C2CD3: variants seen among roughly 807,000 people sequenced by gnomAD.
The protein encoded by C2CD3 is C2 domain-containing protein 3.
Under a neutral mutation model 234.0 loss-of-function variants are expected in C2CD3, and 148 were observed. The ratio of observed to expected loss-of-function variants is 0.63; its 90% CI spans 0.55 to 0.72. The LOEUF is 0.72. Among genes scored for constraint, C2CD3 ranks in the 30% least tolerant of loss-of-function variants. The pLI, the probability that C2CD3 is intolerant of heterozygous loss-of-function variation, is 0.00. For synonymous variants in C2CD3, 1,000 were observed against 1,035.4 expected (o/e 0.97, Z 0.66); for missense variants, 2,577 against 2,811.5 (o/e 0.92, Z 1.89).
chr11:74,144,968 A>G (rs1198645072), intron 3 of C2CD3, among the ~76,000 whole-genome samples: 1 of 152,198 alleles, frequency 6.6e-6, no homozygotes, highest in Non-Finnish European at 1.5e-5. Context: ...TATGTACCCT[A>G]AAAGTATAAT....
chr11:74,146,381 C>G (rs961096131), intron 3 of C2CD3, among the ~76,000 whole-genome samples: 2 of 152,100 alleles, frequency 1.3e-5, no homozygotes, highest in Non-Finnish European at 2.9e-5. Flanking sequence ...TGGCATTCTT[C>G]TTTGTAGTTG....
At chr11:74,170,415 G>C (rs1370338564) in intron 1 of C2CD3, among the ~76,000 whole-genome samples, 14 of 152,134 alleles carry the variant, frequency 9.2e-5, no homozygotes, top group Non-Finnish European at 4.4e-5. Flanking sequence ...TCCTGTCCCT[G>C]TGGACCTCGA....
chr11:74,051,122 A>C (rs1201250552), intron 26 of C2CD3, among the ~76,000 whole-genome samples: 1 of 150,640 alleles, frequency 6.6e-6, no homozygotes, highest in African/African-American at 2.5e-5. Context: ...CCCCATCTCT[A>C]AAAAAAACAA....
At chr11:74,060,686 T>TG in intron 24 of C2CD3, among the ~76,000 whole-genome samples, 1 of 152,284 alleles carries the variant, frequency 6.6e-6, no homozygotes, top group East Asian at 1.9e-4. Flanking sequence ...GCAGAAAAGC[T>TG]GAAAATTCTA....
intron 7 of C2CD3, among the ~76,000 whole-genome samples, chr11:74,130,209 G>A (rs1242736598): frequency 1.3e-5 from 2 of 150,154 alleles, no homozygotes; most frequent in Non-Finnish European, 3.0e-5. Flanking sequence ...TGTACATGGT[G>A]TGAGATAAGG....
In C2CD3 at chr11:74,085,901, G is replaced by A; in HGVS notation, c.3642-15C>T. The A allele has an allele frequency of 1.9e-6, 3 of 1,594,488 alleles. No homozygotes were observed. Among genetic ancestry groups the A allele is most frequent in the Non-Finnish European group, 2.6e-6 (3 of 1,167,796 alleles). On this transcript the variant is annotated splice_polypyrimidine_tract_variant and intron_variant, in intron 20 of 32. Transcript: ENST00000334126. The stretch of plus-strand genomic sequence containing the variant: ...CAGCCAAAGCCCTGTAGAGGAGAAG[G>A]GTGGAAATGAGAAGATACCATGGTA...
chr11:74,057,369 GA>G (rs748271351), intron 25 of C2CD3, 36 bp downstream of exon 25: 1 of 1,612,288 alleles, frequency 6.2e-7, no homozygotes, highest in South Asian at 1.1e-5. Context: ...ACAAAAAGCA[GA>G]TTCTGGAAGG....
intron 29 of C2CD3, 60 bp from the exon 30 acceptor site, chr11:74,037,758 C>G: frequency 7.7e-7 from 1 of 1,294,770 alleles, no homozygotes; most frequent in Non-Finnish European, 1.1e-6. Context: ...ATGAACATCT[C>G]TTATGTCCCC....
Position 74,049,386 on chromosome 11 carries a change from A to T in C2CD3, c.5312T>A (p.Phe1771Tyr). ...AVSPLESLIH[F>Y]KEERQARRGV... is the part of the protein sequence containing the mutation. The stretch of plus-strand genomic sequence containing the variant: ...ACGCCTTGCTTGCCTTTCTTCTTTG[A>T]AGTGTATCAAACTCTCCAAAGGGGA... The change falls in exon 27 of 33, where the codon TTC becomes TAC. Residue 1771 changes from phenylalanine to tyrosine, a missense_variant. Coordinates refer to ENST00000334126, the MANE Select transcript of C2CD3 (RefSeq NM_001286577.2). 6.2e-7 allele frequency: 1 copy of T among 1,614,118 alleles called. No individual in the cohort carries two copies. The highest frequency in any genetic ancestry group is 8.5e-7 in the Non-Finnish European group (1 of 1,179,980).
intron 23 of C2CD3, among the ~76,000 whole-genome samples, chr11:74,077,739 G>C (rs1162596231): frequency 8.5e-6 from 1 of 117,700 alleles, no homozygotes; most frequent in East Asian, 2.9e-4. Flanking sequence ...TAATAAAACT[G>C]CACATTCTGC....
At chr11:74,078,051 C>T in intron 23 of C2CD3, 64 bp downstream of exon 23, 1 of 1,531,674 alleles carries the variant, frequency 6.5e-7, no homozygotes, top group Non-Finnish European at 8.8e-7. Flanking sequence ...CAGAGTGTCT[C>T]ACCTAGTGTT....
chr11:74,168,147 T>C, intron 2 of C2CD3, 197 bp downstream of exon 2: 1 of 574,930 alleles, frequency 1.7e-6, no homozygotes, highest in Non-Finnish European at 3.1e-6. Flanking sequence ...GGATTAGAAG[T>C]AATACATTTC....
intron 24 of C2CD3, among the ~76,000 whole-genome samples, chr11:74,059,713 T>C (rs368791308): frequency 2.2e-4 from 34 of 152,210 alleles, no homozygotes; most frequent in African/African-American, 6.7e-4. Flanking sequence ...GCTCCCAGCG[T>C]GAGCAACGCA....
At chr11:74,126,070 G>A (rs976788681) in intron 7 of C2CD3, among the ~76,000 whole-genome samples, 7 of 152,206 alleles carry the variant, frequency 4.6e-5, no homozygotes, top group African/African-American at 1.4e-4. Flanking sequence ...GAGGAATAGT[G>A]CAAGACAGGT....
chr11:74,166,722 T>A (rs943107364), intron 2 of C2CD3, among the ~76,000 whole-genome samples: 3 of 152,228 alleles, frequency 2.0e-5, no homozygotes, highest in African/African-American at 7.2e-5. Flanking sequence ...AACTAATCTT[T>A]AAGTTCCTTT....
chr11:74,078,126 AG>A lies in C2CD3; in HGVS notation c.4591del (p.Leu1531Ter). The A allele has an allele frequency of 5.6e-6, 9 of 1,613,060 alleles. No homozygotes were observed. The highest frequency in any genetic ancestry group is 7.6e-6 in the Non-Finnish European group (9 of 1,179,506). The part of the protein sequence containing the change: ...ARLGERSART[L>X]TVSGVYPLFG... ...GGCTCCTCACTTACCACTGACAGTT[AG>A]CGTCCTCGCTGACCTCTCCCCAAGT... is the stretch of plus-strand genomic sequence containing the variant. On this transcript the variant is annotated frameshift_variant, in exon 23 of 33. Transcript: ENST00000334126. LOFTEE classifies it high-confidence loss of function.
At chr11:74,160,851 T>A (rs572604780) in intron 3 of C2CD3, among the ~76,000 whole-genome samples, 6 of 152,314 alleles carry the variant, frequency 3.9e-5, no homozygotes, top group Admixed American at 1.3e-4. Context: ...CACATTGTAC[T>A]CTAAAAATAT....
chr11:74,160,848 T>C lies in C2CD3; in HGVS notation c.483+551A>G, dbSNP rs148194170. 6.0e-3 allele frequency among the ~76,000 whole-genome samples: 913 copies of C among 152,344 alleles called. 4 individuals are homozygous for C. Among genetic ancestry groups the C allele is most frequent in the Non-Finnish European group, 0.011 (722 of 68,034 alleles). On this transcript the variant is annotated intron_variant, in intron 3 of 32. Coordinates refer to ENST00000334126, the MANE Select transcript of C2CD3 (RefSeq NM_001286577.2). The stretch of plus-strand genomic sequence containing the variant: ...ATATATGTATCTAAACCTCACATTG[T>C]ACTCTAAAAATATGTGTATCACGCG...
intron 2 of C2CD3, among the ~76,000 whole-genome samples, chr11:74,167,414 T>C (rs1856880656): frequency 6.6e-6 from 1 of 152,242 alleles, no homozygotes; most frequent in Non-Finnish European, 1.5e-5. Flanking sequence ...TCGGGATCAT[T>C]CTTATTAATT....
Sources: allele counts gnomAD v4.1 joint callset (sites outside exome capture counted in the v4.1 genomes callset), GRCh38; gene constraint gnomAD v4.1.1; transcripts MANE v1.5; gene names NCBI Gene and HGNC (gene_info 2026-07-23, HGNC 2026-07-21).